Variants in CSMD1 observed in about 807,000 individuals in gnomAD.
CSMD1 encodes CUB and Sushi multiple domains 1, also known as CUB and sushi domain-containing protein 1.
In CSMD1, 213 loss-of-function variants were observed where a neutral mutation model predicts 417.5. That is an observed-to-expected ratio of 0.51 (90% confidence interval 0.46 to 0.57). The LOEUF (loss-of-function observed/expected upper bound fraction) is 0.57, where lower values mean the gene tolerates loss of function less well. Ranked by LOEUF, CSMD1 falls within the 20% of genes least tolerant of loss-of-function variation. The pLI, the probability that CSMD1 is intolerant of heterozygous loss-of-function variation, is 0.00. For synonymous variants in CSMD1, 2,862 were observed against 1,736.8 expected, an observed-to-expected ratio of 1.65 and a Z score of -16.11; for missense variants, 6,923 against 4,529.7, an observed-to-expected ratio of 1.53 and a Z score of -15.17.
chr8:4,423,586 G>C (rs138612002), intron 2 of CSMD1, among the ~76,000 whole-genome samples: 104 of 152,136 alleles, frequency 6.8e-4, no homozygotes, highest in Non-Finnish European at 1.2e-3. Flanking sequence ...CATGTTAATA[G>C]TATGGAAGAT....
intron 8 of CSMD1, among the ~76,000 whole-genome samples, chr8:3,599,361 A>G (rs1801250290): frequency 1.3e-5 from 2 of 152,096 alleles, no homozygotes. Flanking sequence ...CGGCATTATT[A>G]ACCCCAACTC....
intron 36 of CSMD1, among the ~76,000 whole-genome samples, chr8:3,182,749 C>CTG (rs138421791): frequency 0.14 from 14,320 of 105,456 alleles, 1,051 homozygotes; most frequent in Admixed American, 0.16. Flanking sequence ...ATAAGAAGCT[C>CTG]TGTGTGTGTG....
chr8:4,695,838 C>G (rs895046515), intron 1 of CSMD1, among the ~76,000 whole-genome samples: 1 of 152,164 alleles, frequency 6.6e-6, no homozygotes, highest in African/African-American at 2.4e-5. Context: ...AAATAATAAA[C>G]AGAGGATCAT....
intron 2 of CSMD1, among the ~76,000 whole-genome samples, chr8:4,579,323 T>C (rs1799298899): frequency 6.6e-6 from 1 of 151,488 alleles, no homozygotes; most frequent in Admixed American, 6.6e-5. Context: ...AGTTTAAACA[T>C]ACATACATAC....
At chr8:2,993,765 G>T (rs191475120) in intron 54 of CSMD1, among the ~76,000 whole-genome samples, 1 of 152,212 alleles carries the variant, frequency 6.6e-6, no homozygotes, top group East Asian at 1.9e-4. Context: ...CCACAATGAA[G>T]ACAGCTCCCG....
intron 3 of CSMD1, among the ~76,000 whole-genome samples, chr8:4,372,275 A>C (rs1802442110): frequency 6.6e-6 from 1 of 152,196 alleles, no homozygotes; most frequent in Admixed American, 6.5e-5. Flanking sequence ...TCTCCATTTC[A>C]TTTTATTAAG....
In CSMD1 at chr8:3,616,044, C is replaced by A. The variant is rs115861232; in HGVS notation, c.1097+666G>T. Reference sequence around the variant, plus strand: ...AATAAACTTTACTGACTGATACTAACATGCATCATTCCTAAAGTTTTTTAA... The same window carrying A: ...AATAAACTTTACTGACTGATACTAAAATGCATCATTCCTAAAGTTTTTTAA... On this transcript the variant is annotated intron_variant, in intron 8 of 69. Coordinates refer to ENST00000635120, the MANE Select transcript of CSMD1 (RefSeq NM_033225.6). 2.5e-3 allele frequency among the ~76,000 whole-genome samples: 381 copies of A among 152,250 alleles called. 1 individual carries two copies. The highest frequency in any genetic ancestry group is 9.0e-3 in the African/African-American group (372 of 41,558).
intron 10 of CSMD1, among the ~76,000 whole-genome samples, chr8:3,521,759 T>C (rs912481814): frequency 3.3e-5 from 5 of 152,244 alleles, no homozygotes; most frequent in African/African-American, 1.2e-4. Flanking sequence ...TCTCATTTAT[T>C]GTATTCCCAG....
At chr8:4,245,995 A>C (rs1802686023) in intron 3 of CSMD1, among the ~76,000 whole-genome samples, 1 of 152,196 alleles carries the variant, frequency 6.6e-6, no homozygotes, top group African/African-American at 2.4e-5. Flanking sequence ...TCTCATGAAC[A>C]TGCAACCTAG....
chr8:4,123,972 G>A (rs1802624929), intron 3 of CSMD1, among the ~76,000 whole-genome samples: 1 of 151,906 alleles, frequency 6.6e-6, no homozygotes, highest in Admixed American at 6.6e-5. Flanking sequence ...AAAAGTTTCT[G>A]ATGTACAGGA....
At chr8:4,952,977 A>G (rs28729363) in intron 1 of CSMD1, among the ~76,000 whole-genome samples, 8,035 of 152,246 alleles carry the variant, frequency 0.053, 208 homozygotes, top group Non-Finnish European at 0.06. Flanking sequence ...GGCTGTTTTT[A>G]TTCCACATCC....
chr8:3,358,399 T>C (rs1307947688), intron 21 of CSMD1, among the ~76,000 whole-genome samples: 1 of 152,214 alleles, frequency 6.6e-6, no homozygotes, highest in Non-Finnish European at 1.5e-5. Context: ...TCCGTATAGC[T>C]AACTACGAGA....
chr8:3,572,378 G>T (rs1313229591), intron 10 of CSMD1, among the ~76,000 whole-genome samples: 1 of 152,168 alleles, frequency 6.6e-6, no homozygotes, highest in African/African-American at 2.4e-5. Context: ...AGGTGGGCAG[G>T]AGAGGGGCTT....
intron 50 of CSMD1, among the ~76,000 whole-genome samples, chr8:3,046,649 C>G (rs1041631314): frequency 5.9e-5 from 9 of 152,114 alleles, no homozygotes; most frequent in Non-Finnish European, 1.2e-4. Flanking sequence ...CAGCGTTACA[C>G]AATTGCTGCC....
At position 4,932,581 on chromosome 8, in the gene CSMD1, A is replaced by G. The variant is rs146163522; in HGVS notation, c.85+61751T>C. ...CGTGTGCTCTTGTCTTAGAAATATG[A>G]TACTGCAGGATTTTGGCAAATAGAC... is the stretch of plus-strand genomic sequence containing the variant. On this transcript the variant is annotated intron_variant, in intron 1 of 69. Coordinates refer to ENST00000635120, the MANE Select transcript of CSMD1 (RefSeq NM_033225.6). Among the ~76,000 whole-genome samples the G allele has an allele frequency of 9.8e-5, 15 of 152,344 alleles. No individual in the cohort carries two copies. In the South Asian group the frequency reaches 1.0e-3, roughly 11 times the overall value.
chr8:4,953,270 T>C (rs1016421533), intron 1 of CSMD1, among the ~76,000 whole-genome samples: 4 of 152,186 alleles, frequency 2.6e-5, no homozygotes, highest in African/African-American at 9.6e-5. Context: ...TATTTCTAAA[T>C]AGCCTAACTA....
intron 9 of CSMD1, 61 bp from the exon 10 acceptor site, chr8:3,575,127 A>G: frequency 1.3e-6 from 2 of 1,544,038 alleles, no homozygotes; most frequent in Non-Finnish European, 1.8e-6. Flanking sequence ...GTAAAGACAT[A>G]ACATTTATGG....
At chr8:4,574,615 G>C (rs1017314564) in intron 2 of CSMD1, among the ~76,000 whole-genome samples, 1 of 152,108 alleles carries the variant, frequency 6.6e-6, no homozygotes, top group Non-Finnish European at 1.5e-5. Context: ...CAATTTATGT[G>C]TCCATGAATA....
At chr8:4,146,819 G>A (rs530142942) in intron 3 of CSMD1, among the ~76,000 whole-genome samples, 8 of 149,246 alleles carry the variant, frequency 5.4e-5, no homozygotes, top group African/African-American at 1.8e-4. Context: ...ACCGTGTTAG[G>A]CAGGATAGTC....
Sources: allele counts gnomAD v4.1 joint callset (sites outside exome capture counted in the v4.1 genomes callset), GRCh38; gene constraint gnomAD v4.1.1; transcripts MANE v1.5; gene names NCBI Gene and HGNC (gene_info 2026-07-23, HGNC 2026-07-21).